PARD3B: variants seen among roughly 807,000 people sequenced by gnomAD.
PARD3B encodes the protein par-3 family cell polarity regulator beta, also known as partitioning defective 3 homolog B.
In PARD3B, 103 loss-of-function variants were observed where a neutral mutation model predicts 130.2. That is an observed-to-expected ratio of 0.79 (90% CI 0.67 to 0.93). The LOEUF (loss-of-function observed/expected upper bound fraction) is 0.93. Among genes scored for constraint, PARD3B ranks in the 40% least tolerant of loss-of-function variants. PARD3B has a pLI of 0.00. For missense variants in PARD3B, 1,609 were observed against 1,499.2 expected (o/e 1.07, Z -1.21); for synonymous variants, 583 against 553.2 (o/e 1.05, Z -0.76).
intron 4 of PARD3B, among the ~76,000 whole-genome samples, chr2:205,074,206 A>G (rs1700903882): frequency 6.6e-6 from 1 of 152,190 alleles, no homozygotes; most frequent in Admixed American, 6.5e-5. Flanking sequence ...TTCTGAAATA[A>G]TTTTGCTAAT....
At chr2:204,580,466 T>G (rs1207387295) in intron 1 of PARD3B, among the ~76,000 whole-genome samples, 3 of 152,188 alleles carry the variant, frequency 2.0e-5, no homozygotes, top group Non-Finnish European at 4.4e-5. Context: ...CATTCTTGCC[T>G]CATTTTTCTG....
chr2:204,727,221 T>G (rs1222155217), intron 2 of PARD3B, among the ~76,000 whole-genome samples: 1 of 152,226 alleles, frequency 6.6e-6, no homozygotes, highest in Non-Finnish European at 1.5e-5. Flanking sequence ...TATTTGTTTA[T>G]TCCTTGTATA....
Position 205,525,855 on chromosome 2 carries a change from C to T in PARD3B, c.3180+25824C>T, listed in dbSNP as rs1360923736. ...TACTTGGATTCTGCCTATGGGTCCA[C>T]GTTGTGTACCCAGTCCCGGGAAGGT... On this transcript the variant is annotated intron_variant, in intron 21 of 22. Transcript: ENST00000406610. The surrounding 1 kb of genome is among the most constrained non-coding windows in gnomAD (Gnocchi z 4.2). 1.3e-5 allele frequency among the ~76,000 whole-genome samples: 2 copies of T among 152,194 alleles called. No individual in the cohort carries two copies. Among genetic ancestry groups the T allele is most frequent in the African/African-American group, 2.4e-5 (1 of 41,454 alleles).
intron 1 of PARD3B, among the ~76,000 whole-genome samples, chr2:204,676,563 A>T (rs929467284): frequency 1.3e-5 from 2 of 151,728 alleles, no homozygotes; most frequent in Non-Finnish European, 2.9e-5. Flanking sequence ...TCCACGTCTT[A>T]TCCTGTAGCA....
At chr2:205,571,586 A>C (rs756783368) in intron 22 of PARD3B, among the ~76,000 whole-genome samples, 2 of 152,238 alleles carry the variant, frequency 1.3e-5, no homozygotes, top group Non-Finnish European at 2.9e-5. Context: ...CAGATGTCCC[A>C]GAAGACTCTG....
intron 2 of PARD3B, among the ~76,000 whole-genome samples, chr2:204,756,584 A>G (rs1028488763): frequency 2.0e-5 from 3 of 152,166 alleles, no homozygotes; most frequent in Admixed American, 2.0e-4. Flanking sequence ...TTCAACTGAA[A>G]GTAGACATAA....
intron 2 of PARD3B, among the ~76,000 whole-genome samples, chr2:204,847,977 C>T (rs1022428895): frequency 6.6e-6 from 1 of 152,160 alleles, no homozygotes; most frequent in Non-Finnish European, 1.5e-5. Flanking sequence ...AATCATTCAT[C>T]TCACTTCATC....
intron 16 of PARD3B, among the ~76,000 whole-genome samples, chr2:205,286,510 T>C (rs1469544435): frequency 6.6e-6 from 1 of 152,286 alleles, no homozygotes; most frequent in Admixed American, 6.5e-5. Context: ...TCAAATCTTG[T>C]TGTTAAGCAC....
rs910594625 is a variant in PARD3B at position 205,562,898 on chromosome 2, G to T, written c.3260+9495G>T. Among the ~76,000 whole-genome samples, 12 of 152,122 alleles carry T rather than the reference G, an allele frequency of 7.9e-5. No homozygotes were observed. The highest frequency in any genetic ancestry group is 1.2e-4 in the Non-Finnish European group (8 of 68,032). On this transcript the variant is annotated intron_variant, in intron 22 of 22. Coordinates refer to ENST00000406610, the MANE Select transcript of PARD3B (RefSeq NM_001302769.2). The surrounding 1 kb of genome is among the most constrained non-coding windows in gnomAD (Gnocchi z 5.4). ...ACTGTCCCTTGATTCAAGTTCCTGG[G>T]TTTGCTGTGTATAGGTATCTTAGTA...
intron 4 of PARD3B, among the ~76,000 whole-genome samples, chr2:205,071,561 C>G (rs1471334969): frequency 6.6e-6 from 1 of 152,092 alleles, no homozygotes; most frequent in Non-Finnish European, 1.5e-5. Flanking sequence ...GTCTTGAGTG[C>G]TATTAACTTT....
chr2:204,941,299 G>A (rs1018054115), intron 2 of PARD3B, among the ~76,000 whole-genome samples: 5 of 152,112 alleles, frequency 3.3e-5, no homozygotes, highest in Admixed American at 6.5e-5. Flanking sequence ...GCTGGAGCCC[G>A]GAAGGCGGAG....
chr2:204,632,181 T>G (rs533400898), intron 1 of PARD3B, among the ~76,000 whole-genome samples: 2 of 152,216 alleles, frequency 1.3e-5, no homozygotes, highest in East Asian at 1.9e-4. Context: ...CACCTCCCTG[T>G]TCACTCTCTC....
intron 2 of PARD3B, among the ~76,000 whole-genome samples, chr2:204,854,027 A>G (rs1018145156): frequency 6.6e-6 from 1 of 152,198 alleles, no homozygotes; most frequent in African/African-American, 2.4e-5. Context: ...AGCAAGGAGT[A>G]GGGCATTTTT....
chr2:204,598,120 C>T (rs1391876996), intron 1 of PARD3B, among the ~76,000 whole-genome samples: 1 of 152,112 alleles, frequency 6.6e-6, no homozygotes, highest in Non-Finnish European at 1.5e-5. Context: ...GCTTTTGTCT[C>T]ATTTACTCCT....
intron 22 of PARD3B, among the ~76,000 whole-genome samples, chr2:205,574,391 A>G (rs555195832): frequency 1.3e-5 from 2 of 152,208 alleles, no homozygotes; most frequent in Non-Finnish European, 1.5e-5. Context: ...GTAGATGGCC[A>G]TGAACTATGC....
chr2:204,776,641 T>G (rs1270379454), intron 2 of PARD3B, among the ~76,000 whole-genome samples: 6 of 152,018 alleles, frequency 3.9e-5, no homozygotes, highest in African/African-American at 1.4e-4. Flanking sequence ...CTTTGCCTTT[T>G]GTATAATAAA....
At position 205,616,888 on chromosome 2, in the gene PARD3B, TGAGAGAGAGAGAGA is replaced by T. The variant is rs10572381; in HGVS notation, c.*1083_*1096del. On this transcript the variant is annotated 3_prime_UTR_variant, in exon 23 of 23. Coordinates refer to ENST00000406610, the MANE Select transcript of PARD3B (RefSeq NM_001302769.2). ...CCAGCAGGTATTAGATGGAAGTGAA[TGAGAGAGAGAGAGA>T]GAGAGAGTATGTGTGTGTGTGTGTA... 7.9e-5 allele frequency: 12 copies of T among 151,610 alleles called. No homozygotes were observed. Among genetic ancestry groups the T allele is most frequent in the African/African-American group, 3.0e-4 (12 of 40,626 alleles). 9.4% of individuals were successfully genotyped at this position (151,610 alleles called of 1,614,324 possible).
chr2:205,100,776 C>T (rs979118785), intron 4 of PARD3B, among the ~76,000 whole-genome samples: 3 of 152,056 alleles, frequency 2.0e-5, no homozygotes, highest in Non-Finnish European at 2.9e-5. Flanking sequence ...ACTAGCACAA[C>T]TAGATATCCA....
chr2:204,915,687 A>G (rs1391131112), intron 2 of PARD3B, among the ~76,000 whole-genome samples: 1 of 152,162 alleles, frequency 6.6e-6, no homozygotes, highest in Non-Finnish European at 1.5e-5. Context: ...CATATCTGAA[A>G]CGATGCTAAC....
Sources: gnomAD v4.1 joint callset for allele counts (sites outside exome capture counted in the v4.1 genomes callset) on GRCh38, gnomAD v4.1.1 for gene constraint, Gnocchi (gnomAD v3.1) non-coding constraint, MANE v1.5 for transcripts, NCBI Gene and HGNC (gene_info 2026-07-23, HGNC 2026-07-21) for gene names.